Variants in SCAMP2 observed in about 807,000 individuals in gnomAD.
SCAMP2 encodes secretory carrier-associated membrane protein 2.
In SCAMP2, 25 loss-of-function variants were observed where a neutral mutation model predicts 44.1. That is an observed-to-expected ratio of 0.57 (90% CI 0.41 to 0.79). The LOEUF (loss-of-function observed/expected upper bound fraction) is 0.79, where lower values mean the gene tolerates loss of function less well. Ranked by LOEUF, SCAMP2 falls within the 30% of genes least tolerant of loss-of-function variation. The pLI is 0.00. For synonymous variants in SCAMP2, 156 were observed against 166.0 expected, an observed-to-expected ratio of 0.94 and a Z score of 0.46; for missense variants, 355 against 411.0, an observed-to-expected ratio of 0.86 and a Z score of 1.18.
At chr15:74,850,803 C>T in intron 5 of SCAMP2, 130 bp from the exon 6 acceptor site, 2 of 887,650 alleles carry the variant, frequency 2.3e-6, no homozygotes. Flanking sequence ...GGAGCCCGCT[C>T]TGTACCTAGG....
Position 74,865,390 on chromosome 15 carries a change from AAAAAG to A in SCAMP2, c.57+7804_57+7808del, listed in dbSNP as rs768030275. On this transcript the variant is annotated intron_variant, in intron 1 of 8. Transcript: ENST00000268099. ...AGCAAGACTTTGTCTCAAAAAAAAA[AAAAAG>A]AAAAGAAAAGAAAAAAGAAAGAAAG... 4.0e-5 allele frequency among the ~76,000 whole-genome samples: 6 copies of A among 151,516 alleles called. No homozygotes were observed. The East Asian group carries it at 7.7e-4, about 20-fold the overall frequency.
intron 1 of SCAMP2, among the ~76,000 whole-genome samples, chr15:74,869,561 C>G (rs540023473): frequency 6.6e-6 from 1 of 152,284 alleles, no homozygotes; most frequent in Non-Finnish European, 1.5e-5. Flanking sequence ...TAAAACAGCC[C>G]TGTCCTGGGA....
chr15:74,855,276 G>T (rs2064461611), intron 1 of SCAMP2, among the ~76,000 whole-genome samples: 1 of 151,604 alleles, frequency 6.6e-6, no homozygotes, highest in African/African-American at 2.4e-5. Context: ...GCTAATTTTT[G>T]TATTTTTAGT....
intron 1 of SCAMP2, among the ~76,000 whole-genome samples, chr15:74,855,799 C>T (rs372914845): frequency 2.0e-5 from 3 of 151,192 alleles, no homozygotes; most frequent in Non-Finnish European, 4.4e-5. Context: ...TTTATTAAAT[C>T]GGGCACACTT....
intron 1 of SCAMP2, among the ~76,000 whole-genome samples, chr15:74,856,304 ACGCTCTGTCACC>A (rs1420213280): frequency 4.3e-5 from 5 of 115,288 alleles, no homozygotes; most frequent in African/African-American, 1.7e-4. Context: ...AGACAGAGTC[ACGCTCTGTCACC>A]CAGGCTGAAG....
rs1391013078 is a variant in SCAMP2, at chr15:74,853,325, C to T, written c.225+696G>A. 7 of 441,540 alleles carry T rather than the reference C, an allele frequency of 1.6e-5. 1 individual carries two copies. Among genetic ancestry groups the T allele is most frequent in the South Asian group, 9.5e-5 (6 of 63,348 alleles). 27.4% of individuals were successfully genotyped at this position (441,540 alleles called of 1,614,324 possible). A position where few individuals can be genotyped will look rare whatever the true frequency, so the allele number is the denominator to read the frequency against. ...CCTGGGAGGGGTGTGGGGCAGGCTC[C>T]GGGTGCCCTGCCCTTCCTCCTGCTC... On this transcript the variant is annotated intron_variant, in intron 3 of 8. Transcript: ENST00000268099.
intron 6 of SCAMP2, 32 bp from the exon 7 acceptor site, chr15:74,848,733 G>T: frequency 2.7e-6 from 4 of 1,509,092 alleles, no homozygotes; most frequent in South Asian, 1.1e-5. Flanking sequence ...AGTCACAAGA[G>T]GGCTTGGGCT....
chr15:74,845,958 G>A (rs1187738009), intron 7 of SCAMP2, among the ~76,000 whole-genome samples: 9 of 151,936 alleles, frequency 5.9e-5, no homozygotes, highest in Non-Finnish European at 4.4e-5. Flanking sequence ...AAGAGTTCAA[G>A]ACCAACCTGG....
intron 1 of SCAMP2, among the ~76,000 whole-genome samples, chr15:74,855,083 T>C (rs1223769339): frequency 6.6e-6 from 1 of 151,784 alleles, no homozygotes; most frequent in African/African-American, 2.4e-5. Flanking sequence ...TTACTTATTA[T>C]TCATTTATTC....
At chr15:74,848,862 A>AC (rs113089967) in intron 6 of SCAMP2, among the ~76,000 whole-genome samples, 161 bp from the exon 7 acceptor site, 2 of 151,696 alleles carry the variant, frequency 1.3e-5, no homozygotes, top group African/African-American at 2.4e-5. Flanking sequence ...ACACGCACAC[A>AC]CCCCCCACCA....
At chr15:74,857,871 A>G (rs1261698716) in intron 1 of SCAMP2, among the ~76,000 whole-genome samples, 2 of 152,204 alleles carry the variant, frequency 1.3e-5, no homozygotes, top group East Asian at 1.9e-4. Context: ...TGAAGGGCCT[A>G]TGGCAGCACA....
At chr15:74,871,873 C>T (rs868321930) in intron 1 of SCAMP2, among the ~76,000 whole-genome samples, 1 of 150,748 alleles carries the variant, frequency 6.6e-6, no homozygotes, top group Non-Finnish European at 1.5e-5. Context: ...GGTGAAACCC[C>T]GTCTCTACTA....
intron 8 of SCAMP2, 68 bp downstream of exon 8, chr15:74,845,405 C>G (rs751957239): frequency 6.2e-7 from 1 of 1,611,522 alleles, no homozygotes; most frequent in African/African-American, 1.3e-5. Context: ...AAAAACATCT[C>G]GTGGCAAGGG....
chr15:74,845,017 A>G lies in SCAMP2; in HGVS notation c.*66T>C. The G allele has an allele frequency of 6.4e-7, 1 of 1,554,442 alleles. No individual in the cohort carries two copies. The highest frequency in any genetic ancestry group is 8.8e-7 in the Non-Finnish European group (1 of 1,141,338). Reference sequence around the variant, plus strand: ...GGGCACAACCACCACCACATAAGGCACCCACGGAAAGTGCAGCTCAGAAGG... The same window carrying G: ...GGGCACAACCACCACCACATAAGGCGCCCACGGAAAGTGCAGCTCAGAAGG... On this transcript the variant is annotated 3_prime_UTR_variant, in exon 9 of 9. Transcript: ENST00000268099.
intron 1 of SCAMP2, among the ~76,000 whole-genome samples, chr15:74,863,511 CAA>C (rs753844483): frequency 3.0e-5 from 4 of 132,056 alleles, no homozygotes; most frequent in Non-Finnish European, 1.6e-5. Context: ...ACCCCATCTC[CAA>C]AAAAAAAAAA....
Position 74,873,161 on chromosome 15 carries a change from G to A in SCAMP2, c.57+38C>T, listed in dbSNP as rs903342784. The stretch of plus-strand genomic sequence containing the variant: ...CCCGGGCGGCGGCCGTGGGCCCTAG[G>A]GAAATCTGAGAGCTGGATGGCGGGA... On this transcript the variant is annotated intron_variant, in intron 1 of 8. Coordinates refer to ENST00000268099, the MANE Select transcript of SCAMP2 (RefSeq NM_005697.5). 2.8e-6 allele frequency: 4 copies of A among 1,419,244 alleles called. No homozygotes were observed. The African/African-American group carries it at 4.6e-5, about 16-fold the overall frequency. 87.9% of individuals were successfully genotyped at this position (1,419,244 alleles called of 1,614,324 possible).
chr15:74,862,981 G>C (rs946779743), intron 1 of SCAMP2, among the ~76,000 whole-genome samples: 1 of 151,920 alleles, frequency 6.6e-6, no homozygotes, highest in Non-Finnish European at 1.5e-5. Flanking sequence ...AGGCTGAGGT[G>C]AGAGAATCGC....
intron 1 of SCAMP2, among the ~76,000 whole-genome samples, chr15:74,863,899 T>C (rs184357190): frequency 4.6e-5 from 7 of 152,156 alleles, no homozygotes; most frequent in Non-Finnish European, 8.8e-5. Flanking sequence ...AGTGTGATCA[T>C]AGAGGAGAGA....
chr15:74,845,724 C>G, intron 7 of SCAMP2, 131 bp from the exon 8 acceptor site: 2 of 1,152,182 alleles, frequency 1.7e-6, no homozygotes, highest in East Asian at 2.4e-5. Context: ...CACAGGGAGC[C>G]CTGTGAGCCA....
Sources: allele counts gnomAD v4.1 joint callset (sites outside exome capture counted in the v4.1 genomes callset), GRCh38; gene constraint gnomAD v4.1.1; transcripts MANE v1.5; gene names NCBI Gene and HGNC (gene_info 2026-07-23, HGNC 2026-07-21).